Variants in CLEC12A observed in about 807,000 individuals in gnomAD.
CLEC12A encodes the protein C-type lectin protein CLL-1.
In CLEC12A, 22 loss-of-function variants were observed where a neutral mutation model predicts 26.5. The observed-to-expected ratio is 0.83, with a 90% confidence interval of 0.59 to 1.19. CLEC12A has a LOEUF of 1.19. CLEC12A is among the 50% of genes most tolerant of loss of function. The probability of loss-of-function intolerance (pLI) is 0.00; values close to 1 mark genes in which losing one functional copy is unlikely to be tolerated. For missense variants in CLEC12A, 353 were observed against 315.6 expected, an observed-to-expected ratio of 1.12 and a Z score of -0.90; for synonymous variants, 119 against 101.9, an observed-to-expected ratio of 1.17 and a Z score of -1.01.
intron 3 of CLEC12A, among the ~76,000 whole-genome samples, chr12:9,980,099 A>G (rs992888313): frequency 3.3e-5 from 5 of 152,224 alleles, no homozygotes; most frequent in African/African-American, 9.6e-5. Context: ...AATTCTTACT[A>G]TACAGAATGT....
intron 5 of CLEC12A, chr12:9,983,644 T>G (rs1864648404): frequency 1.7e-6 from 1 of 599,230 alleles, no homozygotes; most frequent in Non-Finnish European, 3.0e-6. Context: ...CTGAGTCAAC[T>G]GTGTTGAGGT....
intron 1 of CLEC12A, among the ~76,000 whole-genome samples, chr12:9,964,435 A>G (rs1368104272): frequency 1.3e-5 from 2 of 152,128 alleles, no homozygotes; most frequent in African/African-American, 4.8e-5. Flanking sequence ...TGTGGTGGAG[A>G]TAGCTGGGGA....
chr12:9,960,913 C>T (rs1251349030), intron 1 of CLEC12A, among the ~76,000 whole-genome samples: 5 of 152,140 alleles, frequency 3.3e-5, no homozygotes, highest in African/African-American at 1.2e-4. Flanking sequence ...CCCCTGTCCA[C>T]GTAGCATCAA....
At chr12:9,969,099 G>A (rs896679388), upstream of CLEC12A, among the ~76,000 whole-genome samples, 1 of 152,132 alleles carries the variant, frequency 6.6e-6, no homozygotes, top group African/African-American at 2.4e-5. Flanking sequence ...GGCTTAGAAA[G>A]GGGTGGTGGG....
intron 1 of CLEC12A, among the ~76,000 whole-genome samples, chr12:9,964,599 T>C (rs2137113365): frequency 6.6e-6 from 1 of 152,096 alleles, no homozygotes; most frequent in South Asian, 2.1e-4. Flanking sequence ...CAGTCCTGGG[T>C]GGGGGCAAAT....
chr12:9,983,627 G>A (rs1864647944), intron 5 of CLEC12A: 5 of 627,452 alleles, frequency 8.0e-6, no homozygotes, highest in Middle Eastern at 4.1e-4. Flanking sequence ...TTTAGCAGGA[G>A]ACAGCTCTGA....
intron 4 of CLEC12A, chr12:9,993,461 A>G (rs1465167530): frequency 1.6e-6 from 1 of 615,268 alleles, no homozygotes; most frequent in Admixed American, 2.9e-5. Context: ...TGGCAGTACA[A>G]GATATGCATA....
At chr12:10,002,440 G>GTTTTTT in the CLEC12A span, among the ~76,000 whole-genome samples, 3 of 40,484 alleles carry the variant, frequency 7.4e-5, no homozygotes, top group African/African-American at 1.0e-4. Context: ...GTTGGGTAAT[G>GTTTTTT]TTTTTTTTTT....
At chr12:9,979,607 A>G (rs1864472932) in intron 3 of CLEC12A, 83 bp downstream of exon 3, 1 of 1,050,556 alleles carries the variant, frequency 9.5e-7, no homozygotes, top group East Asian at 2.6e-5. Context: ...ATAATTAGCT[A>G]GCAGCCTTTC....
At chr12:9,997,337 A>T (rs1865079742), downstream of CLEC12A, 11 of 1,484,892 alleles carry the variant, frequency 7.4e-6, no homozygotes, top group Admixed American at 1.5e-4. Context: ...AATGATGCAA[A>T]GGTCTGTCAT....
downstream of CLEC12A, chr12:9,998,518 T>C: frequency 1.8e-6 from 1 of 558,598 alleles, no homozygotes; most frequent in Non-Finnish European, 3.3e-6. Flanking sequence ...CTCACCTGTG[T>C]TCTCCTCATG....
intron 4 of CLEC12A, chr12:9,991,652 G>GA (rs1565567908): frequency 6.6e-6 from 1 of 151,956 alleles, no homozygotes; most frequent in African/African-American, 2.4e-5. Context: ...TGATAGGCTA[G>GA]AAAAAAGATA....
chr12:9,997,774 C>G (rs1334883841), downstream of CLEC12A, among the ~76,000 whole-genome samples: 2 of 152,082 alleles, frequency 1.3e-5, no homozygotes, highest in African/African-American at 4.8e-5. Flanking sequence ...AATACACAAA[C>G]AAGCAACAAC....
chr12:9,992,135 G>A (rs1194050557), intron 4 of CLEC12A: 4 of 152,078 alleles, frequency 2.6e-5, no homozygotes, highest in African/African-American at 9.7e-5. Context: ...TCCTGTAAAA[G>A]GGTGCCTTTC....
downstream of CLEC12A, among the ~76,000 whole-genome samples, chr12:9,997,661 C>A (rs528464468): frequency 2.0e-5 from 3 of 152,260 alleles, no homozygotes; most frequent in Admixed American, 2.0e-4. Context: ...AAAATACATA[C>A]TGATTTCTTG....
At chr12:10,000,811 A>G in the CLEC12A span, among the ~76,000 whole-genome samples, 1 of 152,130 alleles carries the variant, frequency 6.6e-6, no homozygotes, top group African/African-American at 2.4e-5. Context: ...ACATCTACTC[A>G]TCAGCAAGTC....
chr12:9,992,828 C>T (rs1864923624), intron 4 of CLEC12A: 1 of 224,454 alleles, frequency 4.5e-6, no homozygotes, highest in Non-Finnish European at 8.8e-6. Flanking sequence ...CCTATATTGG[C>T]CTGATTTTGA....
upstream of CLEC12A, among the ~76,000 whole-genome samples, chr12:9,966,898 A>G (rs71441778): frequency 1.2e-5 from 1 of 80,396 alleles, no homozygotes; most frequent in African/African-American, 4.8e-5. Flanking sequence ...GGGCTGGGTT[A>G]TTATATTTGA....
intron 4 of CLEC12A, chr12:9,992,309 T>C (rs1864911330): frequency 1.3e-5 from 2 of 152,154 alleles, no homozygotes; most frequent in African/African-American, 4.8e-5. Context: ...TCTTGCAAAC[T>C]TTCTTTTCCT....
Sources: gnomAD v4.1 joint callset for allele counts (sites outside exome capture counted in the v4.1 genomes callset) on GRCh38, gnomAD v4.1.1 for gene constraint, MANE v1.5 for transcripts, NCBI Gene and HGNC (gene_info 2026-07-23, HGNC 2026-07-21) for gene names.